Variants in PHACTR2 observed in about 807,000 individuals in gnomAD.
PHACTR2 encodes the protein chromosome 6 open reading frame 56.
A neutral mutation model predicts 76.0 loss-of-function variants in PHACTR2; 30 were observed. The observed-to-expected ratio is 0.39, with a 90% CI of 0.30 to 0.54. PHACTR2 has a LOEUF of 0.54. PHACTR2 is among the 20% of genes least tolerant of loss of function. The pLI is 0.61. For missense variants in PHACTR2, 696 were observed against 781.1 expected (o/e 0.89, Z 1.30); for synonymous variants, 292 against 292.5 (o/e 1.00, Z 0.02).
At chr6:143,770,895 T>C (rs1582862342) in intron 6 of PHACTR2, among the ~76,000 whole-genome samples, 1 of 149,444 alleles carries the variant, frequency 6.7e-6, no homozygotes, top group African/African-American at 2.4e-5. Flanking sequence ...TATTGCTTCC[T>C]TGCATATCAC....
chr6:143,676,891 G>A (rs1279695225), upstream of PHACTR2, among the ~76,000 whole-genome samples: 1 of 151,960 alleles, frequency 6.6e-6, no homozygotes, highest in East Asian at 1.9e-4. This position sits in a 1 kb window ranked among gnomAD's most constrained non-coding sequence, Gnocchi z 4.8. Context: ...AATTAACCAT[G>A]ACAAAACAGA....
At chr6:143,638,231 G>A (rs531042334) in intron 1 of PHACTR2, among the ~76,000 whole-genome samples, 1 of 152,070 alleles carries the variant, frequency 6.6e-6, no homozygotes, top group African/African-American at 2.4e-5. Flanking sequence ...TTCAGTGATC[G>A]CTATGGCTTA....
rs1394074466 is a variant in PHACTR2, at chr6:143,751,869, T to C, written c.296-1885T>C. 6.6e-6 allele frequency among the ~76,000 whole-genome samples: 1 copy of C among 151,416 alleles called. No individual in the cohort carries two copies. Among genetic ancestry groups the C allele is most frequent in the Non-Finnish European group, 1.5e-5 (1 of 67,856 alleles). On this transcript the variant is annotated intron_variant, in intron 3 of 12. Transcript: ENST00000440869. The surrounding 1 kb of genome is among the most constrained non-coding windows in gnomAD (Gnocchi z 5.7). ...TATTTTAATTCTAAAACAACTTCCT[T>C]AACACTCAATACTAGAAAGCCTTTT...
intron 4 of PHACTR2, among the ~76,000 whole-genome samples, chr6:143,759,068 T>C (rs6912445): frequency 0.68 from 103,390 of 152,002 alleles, 35,344 homozygotes; most frequent in African/African-American, 0.74. Context: ...CTGCTTAGCT[T>C]TTTGGACTAG....
In PHACTR2 at chr6:143,647,040, A is replaced by G. The variant is rs1030637937; in HGVS notation, c.13+38718A>G. ...ATTAAGTCTTCACCTTGCTGTCAGC[A>G]GTTACATTTTTTTCTAAGGGGTAAA... On this transcript the variant is annotated intron_variant, in intron 1 of 11. Coordinates refer to the PHACTR2 transcript ENST00000305766. The surrounding 1 kb of genome is among the most constrained non-coding windows in gnomAD (Gnocchi z 4.2). 2.0e-5 allele frequency among the ~76,000 whole-genome samples: 3 copies of G among 152,212 alleles called. No homozygotes were observed. Among genetic ancestry groups the G allele is most frequent in the Admixed American group, 6.5e-5 (1 of 15,278 alleles).
At chr6:143,706,812 A>G (rs927760024) in intron 1 of PHACTR2, among the ~76,000 whole-genome samples, 1 of 152,354 alleles carries the variant, frequency 6.6e-6, no homozygotes, top group East Asian at 1.9e-4. Context: ...CTTAGAAACC[A>G]TGATCCAAGC....
At chr6:143,645,229 G>A (rs13191259) in intron 1 of PHACTR2, among the ~76,000 whole-genome samples, 73,128 of 151,554 alleles carry the variant, frequency 0.48, 17,636 homozygotes, top group South Asian at 0.59. Flanking sequence ...CACAATTCCA[G>A]AAATATGGAG....
intron 1 of PHACTR2, among the ~76,000 whole-genome samples, chr6:143,594,546 A>T (rs1775726993): frequency 6.6e-6 from 1 of 152,262 alleles, no homozygotes; most frequent in African/African-American, 2.4e-5. Flanking sequence ...TCCTGGTGGA[A>T]TATGGAAACA....
rs930546224 is a variant in PHACTR2 at position 143,672,121 on chromosome 6, T to A, written c.14-39895T>A. Among the ~76,000 whole-genome samples the A allele has an allele frequency of 2.6e-5, 4 of 152,156 alleles. No homozygotes were observed. The highest frequency in any genetic ancestry group is 9.7e-5 in the African/African-American group (4 of 41,430). ...TGCAAAAGGACATGATGGAATACCT[T>A]AGGGATCTCAAAGTTTTCTGACACT... On this transcript the variant is annotated intron_variant, in intron 1 of 11. Transcript: ENST00000305766. This position sits in a 1 kb window ranked among gnomAD's most constrained non-coding sequence, Gnocchi z 5.8.
chr6:143,673,328 AT>A (rs11357308), upstream of PHACTR2, among the ~76,000 whole-genome samples: 68,114 of 149,748 alleles, frequency 0.45, 15,569 homozygotes, highest in South Asian at 0.58. Flanking sequence ...GTATTCCCAG[AT>A]TTTTTTTTTT....
chr6:143,641,342 C>T lies in PHACTR2; in HGVS notation c.13+33020C>T, dbSNP rs1776558108. On this transcript the variant is annotated intron_variant, in intron 1 of 11. Transcript: ENST00000305766. This position sits in a 1 kb window ranked among gnomAD's most constrained non-coding sequence, Gnocchi z 5.8. ...GAGGCAGAGATTGGAATGGTATAGC[C>T]ATAAGTCAAGGAATGCCTGGAGCTT... Among the ~76,000 whole-genome samples the T allele has an allele frequency of 6.6e-6, 1 of 152,046 alleles. No individual in the cohort carries two copies. The highest frequency in any genetic ancestry group is 2.4e-5 in the African/African-American group (1 of 41,378).
At chr6:143,726,001 T>C (rs1185683862) in intron 2 of PHACTR2, among the ~76,000 whole-genome samples, 1 of 152,206 alleles carries the variant, frequency 6.6e-6, no homozygotes, top group Admixed American at 6.5e-5. Context: ...AGTTTATCCA[T>C]ACATGAAAGA....
intron 2 of PHACTR2, among the ~76,000 whole-genome samples, chr6:143,725,269 G>A (rs1171004056): frequency 7.3e-6 from 1 of 136,090 alleles, no homozygotes; most frequent in Non-Finnish European, 1.5e-5. Flanking sequence ...GTGCAGTGGC[G>A]TGATCTCGGC....
intron 2 of PHACTR2, 59 bp from the exon 3 acceptor site, chr6:143,748,926 T>G: frequency 1.1e-6 from 1 of 901,932 alleles, no homozygotes; most frequent in Middle Eastern, 2.2e-4. Context: ...CTTGGAATGT[T>G]TTTCATAATT....
chr6:143,610,384 T>C lies in PHACTR2; in HGVS notation c.13+2062T>C, dbSNP rs1214794398. On this transcript the variant is annotated intron_variant, in intron 1 of 11. Coordinates refer to the PHACTR2 transcript ENST00000305766. The surrounding 1 kb of genome is among the most constrained non-coding windows in gnomAD (Gnocchi z 4.9). ...GATGTTGAGTATTTGCCTAAATTTT[T>C]CTAATCAGAAATGAATTGAGGCCCT... Among the ~76,000 whole-genome samples, 1 of 152,194 alleles carries C rather than the reference T, an allele frequency of 6.6e-6. No individual in the cohort carries two copies. Among genetic ancestry groups the C allele is most frequent in the Non-Finnish European group, 1.5e-5 (1 of 68,034 alleles).
rs141057342 is a variant in PHACTR2 at position 143,592,481 on chromosome 6, A to T, written c.217+55274A>T. Among the ~76,000 whole-genome samples, 57 of 152,300 alleles carry T rather than the reference A, an allele frequency of 3.7e-4. No individual in the cohort carries two copies. Among genetic ancestry groups the T allele is most frequent in the African/African-American group, 1.3e-3 (52 of 41,566 alleles). On this transcript the variant is annotated intron_variant, in intron 1 of 11. Coordinates refer to the PHACTR2 transcript ENST00000367584. The surrounding 1 kb of genome is among the most constrained non-coding windows in gnomAD (Gnocchi z 4.0). ...GGAAATCCTAATTCCAAGATGTCCCAGTCACACTAGGACTTGTACTCCAGG... is the reference window on the plus strand; with the variant it reads ...GGAAATCCTAATTCCAAGATGTCCCTGTCACACTAGGACTTGTACTCCAGG...
upstream of PHACTR2, among the ~76,000 whole-genome samples, chr6:143,606,073 T>C (rs145820670): frequency 3.1e-3 from 469 of 152,288 alleles, 2 homozygotes; most frequent in African/African-American, 0.01. Flanking sequence ...AGAAAGGTAA[T>C]AGAAAACATA....
At chr6:143,661,304 C>A (rs998839820) in intron 1 of PHACTR2, among the ~76,000 whole-genome samples, 1 of 152,112 alleles carries the variant, frequency 6.6e-6, no homozygotes, top group Non-Finnish European at 1.5e-5. Context: ...CAAATCACTG[C>A]ATGTGTTACT....
In PHACTR2 at chr6:143,772,532, G is replaced by A. The variant is rs1582865724; in HGVS notation, c.1432+75G>A. The stretch of plus-strand genomic sequence containing the variant: ...CAGCTGCAGTTTATAAAGAATAAAA[G>A]CCTCATTAGGAACCAGACATCTGAT... On this transcript the variant is annotated intron_variant, in intron 7 of 12. Coordinates refer to ENST00000440869, the MANE Select transcript of PHACTR2 (RefSeq NM_001100164.2). This position sits in a 1 kb window ranked among gnomAD's most constrained non-coding sequence, Gnocchi z 5.4. The A allele has an allele frequency of 9.7e-7, 1 of 1,033,750 alleles. No individual in the cohort carries two copies. The highest frequency in any genetic ancestry group is 1.5e-6 in the Non-Finnish European group (1 of 682,164). The allele number at this position is 1,033,750 out of a possible 1,614,324, so 64.0% of individuals were successfully genotyped here.
Sources: allele counts gnomAD v4.1 joint callset (sites outside exome capture counted in the v4.1 genomes callset), GRCh38; gene constraint gnomAD v4.1.1; non-coding constraint Gnocchi (gnomAD v3.1); transcripts MANE v1.5; gene names NCBI Gene and HGNC (gene_info 2026-07-23, HGNC 2026-07-21).